The following OOSP4B variants were observed in gnomAD, a reference collection of about 807,000 sequenced individuals.
OOSP4B encodes oocyte-secreted protein 4B.
chr11:60,026,682 C>T lies in OOSP4B; in HGVS notation c.302+1677C>T, dbSNP rs1057028963. ...AAAGGAACCTCTGTTCTTCAAACTT[C>T]GCCAGTCATCTCTAAACCTTTGCTG... On this transcript the variant is annotated intron_variant, in intron 3 of 4. Coordinates refer to ENST00000642343, the Ensembl canonical transcript of OOSP4B. Among the ~76,000 whole-genome samples, 6 of 152,196 alleles carry T rather than the reference C, an allele frequency of 3.9e-5. 1 individual carries two copies. The highest frequency in any genetic ancestry group is 8.8e-5 in the Non-Finnish European group (6 of 68,032).
exon 3 of OOSP4B, chr11:60,024,932 A>G (rs774389285): frequency 1.9e-4 from 75 of 398,272 alleles, no homozygotes; most frequent in Non-Finnish European, 2.3e-4. Context: ...TGATGACGCC[A>G]TATTATCAGA....
chr11:60,017,424 C>T lies in OOSP4B; in HGVS notation c.22+11C>T, dbSNP rs183286171. The T allele has an allele frequency of 2.8e-5, 11 of 398,578 alleles. No individual in the cohort carries two copies. In the East Asian group the frequency reaches 2.8e-4, roughly 10 times the overall value. The allele number at this position is 398,578 out of a possible 1,614,324, so 24.7% of individuals were successfully genotyped here. On this transcript the variant is annotated intron_variant, in intron 1 of 4. Coordinates refer to ENST00000642343, the Ensembl canonical transcript of OOSP4B. ...CCTCTGTGCTCTTAGGTAGGTCCTTCCTCTTTTCTTTATTGTTTTGGAATT... is the reference window on the plus strand; with the variant it reads ...CCTCTGTGCTCTTAGGTAGGTCCTTTCTCTTTTCTTTATTGTTTTGGAATT...
At chr11:60,030,754 A>G in intron 4 of OOSP4B, 48 bp from the exon 5 acceptor site, 1 of 397,948 alleles carries the variant, frequency 2.5e-6, no homozygotes, top group East Asian at 3.6e-5. Context: ...TTTTTAGGTA[A>G]GGTTATATTT....
chr11:60,023,972 C>A (rs1325975411), exon 2 of OOSP4B: 1 of 398,536 alleles, frequency 2.5e-6, no homozygotes, highest in Non-Finnish European at 4.4e-6. Context: ...TGGCGACATA[C>A]ACCTGAGAGA....
intron 3 of OOSP4B, among the ~76,000 whole-genome samples, chr11:60,025,259 T>C (rs146035646): frequency 2.0e-5 from 3 of 152,324 alleles, no homozygotes; most frequent in African/African-American, 7.2e-5. Flanking sequence ...GCACTTCCAA[T>C]TGAAGACATG....
At chr11:60,023,416 C>T (rs951614751) in intron 1 of OOSP4B, among the ~76,000 whole-genome samples, 9 of 151,824 alleles carry the variant, frequency 5.9e-5, no homozygotes, top group African/African-American at 1.9e-4. Context: ...TAAACTATAC[C>T]TGCTTTTTTA....
chr11:60,017,729 G>A (rs981664352), intron 1 of OOSP4B, among the ~76,000 whole-genome samples: 1 of 152,118 alleles, frequency 6.6e-6, no homozygotes, highest in African/African-American at 2.4e-5. Flanking sequence ...CTTCTAATGT[G>A]AGACCCATGT....
At chr11:60,020,295 C>T (rs115322398) in intron 1 of OOSP4B, among the ~76,000 whole-genome samples, 1,895 of 152,272 alleles carry the variant, frequency 0.012, 36 homozygotes, top group African/African-American at 0.043. Flanking sequence ...GGACTGGGCA[C>T]CCTGGAGCAG....
intron 1 of OOSP4B, among the ~76,000 whole-genome samples, chr11:60,022,580 A>G (rs1186543737): frequency 2.0e-5 from 3 of 152,174 alleles, no homozygotes; most frequent in African/African-American, 7.2e-5. Flanking sequence ...TAAGCCAAAC[A>G]TTTTACGGAA....
Position 60,030,795 on chromosome 11 carries a change from C to G in OOSP4B, c.451-7C>G, listed in dbSNP as rs541994734. On this transcript the variant is annotated splice_polypyrimidine_tract_variant and splice_region_variant and intron_variant, in intron 4 of 4. Transcript: ENST00000642343. ...GCTCTTAACTGCTTTTCCCCCCTAT[C>G]CTACAGGAGCAACTATCCAAGAAGT... is the stretch of plus-strand genomic sequence containing the variant. 2.7e-3 allele frequency: 1,085 copies of G among 398,172 alleles called. 3 individuals are homozygous for G. The highest frequency in any genetic ancestry group is 0.013 in the South Asian group (102 of 7,840). The allele number at this position is 398,172 out of a possible 1,614,324, so 24.7% of individuals were successfully genotyped here.
chr11:60,026,922 A>T (rs1854750959), intron 3 of OOSP4B, among the ~76,000 whole-genome samples: 1 of 152,244 alleles, frequency 6.6e-6, no homozygotes, highest in African/African-American at 2.4e-5. Flanking sequence ...ATTGTTAACC[A>T]GACAGTAGCT....
chr11:60,019,880 G>A (rs1288124919), intron 1 of OOSP4B, among the ~76,000 whole-genome samples: 1 of 152,166 alleles, frequency 6.6e-6, no homozygotes, highest in African/African-American at 2.4e-5. Flanking sequence ...ACAGAGAGCT[G>A]ACTGGTCCGT....
chr11:60,020,349 C>T (rs921564828), intron 1 of OOSP4B, among the ~76,000 whole-genome samples: 6 of 152,162 alleles, frequency 3.9e-5, no homozygotes, highest in African/African-American at 1.4e-4. Flanking sequence ...TGCAGGAGCC[C>T]ACGGTGGGGG....
intron 3 of OOSP4B, among the ~76,000 whole-genome samples, chr11:60,025,428 AGTAAGACTGATTG>A (rs1854738396): frequency 6.6e-6 from 1 of 152,230 alleles, no homozygotes; most frequent in Non-Finnish European, 1.5e-5. Flanking sequence ...TATTGACATG[AGTAAGACTGATTG>A]CTGCAGAAAG....
intron 3 of OOSP4B, among the ~76,000 whole-genome samples, 161 bp downstream of exon 3, chr11:60,025,166 G>T (rs1333996978): frequency 6.6e-6 from 1 of 152,262 alleles, no homozygotes; most frequent in East Asian, 1.9e-4. Flanking sequence ...GTACAGAATT[G>T]AAGGAATTTA....
intron 1 of OOSP4B, among the ~76,000 whole-genome samples, chr11:60,018,258 C>T (rs1235189486): frequency 6.6e-6 from 1 of 152,114 alleles, no homozygotes; most frequent in Non-Finnish European, 1.5e-5. Flanking sequence ...TGGTTCTCTT[C>T]CACCTTTACA....
intron 1 of OOSP4B, among the ~76,000 whole-genome samples, chr11:60,018,435 CTT>C (rs1854647970): frequency 6.6e-6 from 1 of 152,176 alleles, no homozygotes; most frequent in South Asian, 2.1e-4. Flanking sequence ...CACAAAATCT[CTT>C]TGGTTATAAT....
At chr11:60,027,711 A>C (rs1590594920) in intron 3 of OOSP4B, among the ~76,000 whole-genome samples, 1 of 143,980 alleles carries the variant, frequency 6.9e-6, no homozygotes, top group East Asian at 2.2e-4. Flanking sequence ...AGGCCAAGGC[A>C]GGCAGATCAC....
intron 3 of OOSP4B, 22 bp downstream of exon 3, chr11:60,025,027 A>G (rs900488459): frequency 2.3e-5 from 9 of 398,116 alleles, no homozygotes; most frequent in African/African-American, 6.2e-5. Context: ...TACTTCTCTT[A>G]CACATTCTTA....
Sources: allele counts gnomAD v4.1 joint callset (sites outside exome capture counted in the v4.1 genomes callset), GRCh38; gene constraint gnomAD v4.1.1; transcripts MANE v1.5; gene names NCBI Gene and HGNC (gene_info 2026-07-23, HGNC 2026-07-21).